Variants in MYOM3 observed in about 807,000 individuals in gnomAD.
The protein encoded by MYOM3 is myomesin 3.
Under a neutral mutation model 191.7 loss-of-function variants are expected in MYOM3, and 155 were observed. That is an observed-to-expected ratio of 0.81 (90% confidence interval 0.71 to 0.92). The LOEUF is 0.92. MYOM3 is among the 40% of genes least tolerant of loss of function. The probability of loss-of-function intolerance (pLI) is 0.00; values close to 1 mark genes in which losing one functional copy is unlikely to be tolerated. For missense variants in MYOM3, 1,889 were observed against 1,890.6 expected, an observed-to-expected ratio of 1.00 and a Z score of 0.02; for synonymous variants, 757 against 762.9, an observed-to-expected ratio of 0.99 and a Z score of 0.13.
At chr1:24,089,788 G>T in intron 13 of MYOM3, 123 bp from the exon 14 acceptor site, 1 of 1,207,984 alleles carries the variant, frequency 8.3e-7, no homozygotes, top group Non-Finnish European at 1.1e-6. Flanking sequence ...GGCAGTAGTT[G>T]GCTCCAGGTC....
At chr1:24,064,526 C>T (rs1643411734) in intron 29 of MYOM3, among the ~76,000 whole-genome samples, 1 of 152,206 alleles carries the variant, frequency 6.6e-6, no homozygotes, top group South Asian at 2.1e-4. Context: ...CCTTTCACTC[C>T]CTGGGGGCTC....
Position 24,065,956 on chromosome 1 carries a change from T to A in MYOM3, c.3469A>T (p.Arg1157Trp). 6.2e-7 allele frequency: 1 copy of A among 1,614,168 alleles called. No homozygotes were observed. The highest frequency in any genetic ancestry group is 8.5e-7 in the Non-Finnish European group (1 of 1,179,974). The change falls in exon 29 of 37, where the codon AGG becomes TGG. Residue 1157 changes from arginine to tryptophan, a missense_variant. Physicochemically the swap from Arg to Trp is moderately radical, Grantham distance 101 (BLOSUM62 -3). Coordinates refer to ENST00000374434, the MANE Select transcript of MYOM3 (RefSeq NM_152372.4). ...TACTGACCATCTGGCATCTCTGCCC[T>A]CTGGAAGAACCACTGAAAGCGAGTC... ...KETRFQWFFQ[R>W]AEMPDGQYDP...
chr1:24,077,498 G>A (rs535860071), intron 20 of MYOM3, among the ~76,000 whole-genome samples: 4 of 151,996 alleles, frequency 2.6e-5, no homozygotes, highest in African/African-American at 4.8e-5. Context: ...ATGCCGTCCC[G>A]CCTCCCTCCT....
chr1:24,070,999 A>T, intron 25 of MYOM3, 118 bp downstream of exon 25: 1 of 1,293,946 alleles, frequency 7.7e-7, no homozygotes, highest in Non-Finnish European at 1.1e-6. Flanking sequence ...GCAAAAGCAC[A>T]CCGTCATTTC....
intron 36 of MYOM3, among the ~76,000 whole-genome samples, chr1:24,058,197 T>C (rs1031958239): frequency 2.6e-5 from 4 of 152,250 alleles, no homozygotes; most frequent in African/African-American, 9.6e-5. Flanking sequence ...GCCTTCACTT[T>C]GTTTTATTGC....
In MYOM3 at chr1:24,097,959, C is replaced by T. The variant is rs267598456; in HGVS notation, c.709G>A (p.Gly237Ser). ...TYTVRVKNAHGQASSFAKVLV... is the reference protein window; with the variant it reads ...TYTVRVKNAHSQASSFAKVLV... ...ACTTTGGCGAAGGAGGAGGCCTGGC[C>T]GTGGGCGTTCTTCACTCGCACAGTG... Residue 237 changes from glycine to serine, a missense_variant, in exon 7 of 37, where the codon GGC (glycine) becomes AGC (serine). Physicochemically the swap from Gly to Ser is moderately conservative, Grantham distance 56. Transcript: ENST00000374434. 14 of 1,613,876 alleles carry T rather than the reference C, an allele frequency of 8.7e-6. No homozygotes were observed. The highest frequency in any genetic ancestry group is 3.3e-5 in the South Asian group (3 of 91,084).
Position 24,063,546 on chromosome 1 carries a change from G to A in MYOM3, c.3623-16C>T, listed in dbSNP as rs573793823. ...GCATCCAGGGCTGGCGGGAAACAGA[G>A]AGAAGGGTTAGCTGGCATAGGGCTC... On this transcript the variant is annotated splice_polypyrimidine_tract_variant and intron_variant, in intron 30 of 36. Coordinates refer to ENST00000374434, the MANE Select transcript of MYOM3 (RefSeq NM_152372.4). This position sits in a 1 kb window ranked among gnomAD's most constrained non-coding sequence, Gnocchi z 4.5. 6.2e-7 allele frequency: 1 copy of A among 1,614,038 alleles called. No homozygotes were observed. Among genetic ancestry groups the A allele is most frequent in the Non-Finnish European group, 8.5e-7 (1 of 1,180,010 alleles).
chr1:24,108,744 G>A, intron 1 of MYOM3, 90 bp from the exon 2 acceptor site: 2 of 994,204 alleles, frequency 2.0e-6, no homozygotes, highest in Non-Finnish European at 1.4e-6. Flanking sequence ...AGGCTGGCAG[G>A]ATGGGGGGTG....
rs771309577 is a variant in MYOM3, at chr1:24,071,255, T to C, written c.3014-2A>G. 3 of 1,611,496 alleles carry C rather than the reference T, an allele frequency of 1.9e-6. No homozygotes were observed. The highest frequency in any genetic ancestry group is 1.7e-6 in the Non-Finnish European group (2 of 1,178,860). On this transcript the variant is annotated splice_acceptor_variant, in intron 24 of 36. Coordinates refer to ENST00000374434, the MANE Select transcript of MYOM3 (RefSeq NM_152372.4). LOFTEE classifies it high-confidence loss of function. ...TCCAGCCGGAGATCAGTTTGATCAC[T>C]GGGAGGCGCAGGACGGGAAGGGGGT...
rs750810766 is a variant in MYOM3, at chr1:24,076,233, A to G, written c.2627T>C (p.Val876Ala). The change falls in exon 21 of 37, where the codon GTA (valine) becomes GCA (alanine). Residue 876 changes from valine to alanine, a missense_variant. Transcript: ENST00000374434. The stretch of plus-strand genomic sequence containing the variant: ...CAGACCAGCTGAATTCATGGCCTGT[A>G]CCTGGAACACGTAACTCTTTCCTGG... ...LQPGKSYVFQ[V>A]QAMNSAGLGQ... 1 of 1,614,168 alleles carries G rather than the reference A, an allele frequency of 6.2e-7. No homozygotes were observed. Among genetic ancestry groups the G allele is most frequent in the Non-Finnish European group, 8.5e-7 (1 of 1,180,006 alleles).
chr1:24,104,466 T>C (rs1439483831), intron 5 of MYOM3, among the ~76,000 whole-genome samples: 1 of 152,116 alleles, frequency 6.6e-6, no homozygotes, highest in African/African-American at 2.4e-5. Context: ...GGTGAGATTG[T>C]GTCTGGTTAT....
At chr1:24,110,953 GGCTCCCTTCCCCTGGAT>G (rs1286100000) in intron 1 of MYOM3, among the ~76,000 whole-genome samples, 1 of 152,216 alleles carries the variant, frequency 6.6e-6, no homozygotes, top group Non-Finnish European at 1.5e-5. Flanking sequence ...ACCAGCCACT[GGCTCCCTTCCCCTGGAT>G]GCTCTGTTCC....
intron 5 of MYOM3, among the ~76,000 whole-genome samples, chr1:24,104,281 C>A (rs926510778): frequency 6.6e-6 from 1 of 152,180 alleles, no homozygotes; most frequent in Non-Finnish European, 1.5e-5. Flanking sequence ...ATAGGCTGTT[C>A]CCTGTCAAGA....
Position 24,062,102 on chromosome 1 carries a change from G to T in MYOM3, c.3778C>A (p.Arg1260Ser), listed in dbSNP as rs199620469. ...CTTATCCGATCACCACTCTCCAGAC[G>T]TTTGTCTCTGAATGTGAGGGTGGAG... Reference protein sequence around the residue: ...MKTTWFHKDKRLESGDRIRTG... With the variant: ...MKTTWFHKDKSLESGDRIRTG... The change falls in exon 33 of 37, where the codon CGT (arginine) becomes AGT (serine). Residue 1260 changes from arginine to serine, a missense_variant. Physicochemically the swap from Arg to Ser is moderately radical, Grantham distance 110. Transcript: ENST00000374434. The T allele has an allele frequency of 1.2e-6, 2 of 1,614,022 alleles. No individual in the cohort carries two copies. Among genetic ancestry groups the T allele is most frequent in the East Asian group, 4.5e-5 (2 of 44,886 alleles).
chr1:24,084,559 CT>C lies in MYOM3; in HGVS notation c.1878del (p.Asp627ThrfsTer37). 6.2e-7 allele frequency: 1 copy of C among 1,613,986 alleles called. No homozygotes were observed. The highest frequency in any genetic ancestry group is 8.5e-7 in the Non-Finnish European group (1 of 1,179,898). ...ATGTAATAACCCAGGAGCTCTGGGT[CT>C]TTCACAGGATCCCATGTCAGGGAGA... Reference protein sequence around the residue: ...TSVSLTWDPVKDPELLGYYIY... With the variant: ...TSVSLTWDPVXDPELLGYYIY... On this transcript the variant is annotated frameshift_variant, in exon 16 of 37. Transcript: ENST00000374434. LOFTEE classifies it high-confidence loss of function.
In MYOM3 at chr1:24,071,984, C is replaced by T. The variant is rs779246835; in HGVS notation, c.2998G>A (p.Glu1000Lys). 1 of 1,614,140 alleles carries T rather than the reference C, an allele frequency of 6.2e-7. No homozygotes were observed. The highest frequency in any genetic ancestry group is 1.1e-5 in the South Asian group (1 of 91,080). ...ELEKLKKLSH[E>K]IRNPVIKLIS... ...GCTTGCTTACCTGGGTTTCTGATCTCATGACTCAGCTTCTTCAGCTTCTCC... is the reference window on the plus strand; with the variant it reads ...GCTTGCTTACCTGGGTTTCTGATCTTATGACTCAGCTTCTTCAGCTTCTCC... Residue 1000 changes from glutamate (E) to lysine (K), a missense_variant, in exon 24 of 37, where the codon GAG becomes AAG. Transcript: ENST00000374434.
chr1:24,082,967 A>G (rs1643692519), intron 16 of MYOM3: 1 of 357,588 alleles, frequency 2.8e-6, no homozygotes, highest in African/African-American at 2.1e-5. Context: ...TACGCTAGGA[A>G]AGGTTCTAAT....
Position 24,101,010 on chromosome 1 carries a change from C to T in MYOM3, c.561-1235G>A, listed in dbSNP as rs148321558. On this transcript the variant is annotated intron_variant, in intron 5 of 36. Transcript: ENST00000374434. ...TCTCGGGGGAAACAGAATTTACCCACGGGCCACCCAATATATGACGGATCT... is the reference window on the plus strand; with the variant it reads ...TCTCGGGGGAAACAGAATTTACCCATGGGCCACCCAATATATGACGGATCT... 1.6e-3 allele frequency among the ~76,000 whole-genome samples: 242 copies of T among 152,228 alleles called. 1 individual carries two copies. The highest frequency in any genetic ancestry group is 2.7e-3 in the South Asian group (13 of 4,818).
At chr1:24,066,882 G>T (rs1643442463) in intron 28 of MYOM3, 139 bp downstream of exon 28, 5 of 748,268 alleles carry the variant, frequency 6.7e-6, no homozygotes, top group Non-Finnish European at 1.1e-5. Flanking sequence ...CTCCTCGGGG[G>T]TACTTTCTGT....
Sources: allele counts gnomAD v4.1 joint callset (sites outside exome capture counted in the v4.1 genomes callset), GRCh38; gene constraint gnomAD v4.1.1; non-coding constraint Gnocchi (gnomAD v3.1); transcripts MANE v1.5; gene names NCBI Gene and HGNC (gene_info 2026-07-23, HGNC 2026-07-21).